Variants in DISC1 observed in about 807,000 individuals in gnomAD.
The protein encoded by DISC1 is DISC1 scaffold protein.
In DISC1, 57 loss-of-function variants were observed where a neutral mutation model predicts 84.5. The observed-to-expected ratio is 0.67, with a 90% CI of 0.55 to 0.84. DISC1 has a LOEUF of 0.84. DISC1 is among the 40% of genes least tolerant of loss of function. The probability of loss-of-function intolerance (pLI) is 0.00; values close to 1 mark genes in which losing one functional copy is unlikely to be tolerated. For missense variants in DISC1, 1,000 were observed against 1,057.8 expected, an observed-to-expected ratio of 0.95 and a Z score of 0.76; for synonymous variants, 411 against 415.2, an observed-to-expected ratio of 0.99 and a Z score of 0.12.
chr1:231,711,710 T>C (rs79712641), intron 3 of DISC1, among the ~76,000 whole-genome samples: 252 of 152,282 alleles, frequency 1.7e-3, no homozygotes, highest in African/African-American at 5.8e-3. Flanking sequence ...ATTAACCTAG[T>C]ACCAGCTGAA....
chr1:231,984,882 G>T (rs1350589763), intron 10 of DISC1, among the ~76,000 whole-genome samples: 3 of 152,080 alleles, frequency 2.0e-5, no homozygotes, highest in Admixed American at 2.0e-4. Context: ...ACTGAACGGG[G>T]TTTGAGGAAA....
chr1:231,912,634 C>A (rs547457319), intron 9 of DISC1, among the ~76,000 whole-genome samples: 1 of 152,126 alleles, frequency 6.6e-6, no homozygotes, highest in Non-Finnish European at 1.5e-5. Flanking sequence ...AGTCAGGGAC[C>A]CACTTGAGGA....
intron 3 of DISC1, among the ~76,000 whole-genome samples, chr1:231,741,573 C>G (rs187279185): frequency 1.3e-5 from 2 of 152,240 alleles, no homozygotes; most frequent in Admixed American, 1.3e-4. Flanking sequence ...AGGCCTTGAA[C>G]ATGTGGAGGT....
intron 1 of DISC1, chr1:231,685,201 T>C (rs1212537674): frequency 6.6e-6 from 1 of 152,246 alleles, no homozygotes; most frequent in Non-Finnish European, 1.5e-5. Flanking sequence ...TCTTGCGCTA[T>C]CTTCATATCG....
At chr1:231,722,420 C>A (rs370327838) in intron 3 of DISC1, 7 of 1,498,464 alleles carry the variant, frequency 4.7e-6, no homozygotes, top group East Asian at 4.8e-5. Context: ...TTCTACTTAT[C>A]CACACTCGAA....
Position 231,880,895 on chromosome 1 carries a change from C to T in DISC1, c.1981+62378C>T, listed in dbSNP as rs372569154. Among the ~76,000 whole-genome samples the T allele has an allele frequency of 2.0e-5, 3 of 152,174 alleles. No homozygotes were observed. The South Asian group carries it at 6.2e-4, about 32-fold the overall frequency. On this transcript the variant is annotated intron_variant, in intron 9 of 12. Transcript: ENST00000439617. The stretch of plus-strand genomic sequence containing the variant: ...GGAATATCTCATAGGAAAAACTTAA[C>T]GTTTCATGATGTTCAAGGTGTTATC...
At position 231,818,325 on chromosome 1, in the gene DISC1, G is replaced by A. The variant is rs564881596; in HGVS notation, c.1793-4G>A. 6 of 1,613,754 alleles carry A rather than the reference G, an allele frequency of 3.7e-6. No individual in the cohort carries two copies. Among genetic ancestry groups the A allele is most frequent in the Middle Eastern group, 1.7e-4 (1 of 5,956 alleles). Reference sequence around the variant, plus strand: ...CCCTTCTTCTCTCCCACAACGTGCTGTAGGAAACCATTTCTGGACGGCTAA... The same window carrying A: ...CCCTTCTTCTCTCCCACAACGTGCTATAGGAAACCATTTCTGGACGGCTAA... On this transcript the variant is annotated splice_polypyrimidine_tract_variant and splice_region_variant and intron_variant, in intron 8 of 12. Coordinates refer to ENST00000439617, the MANE Select transcript of DISC1 (RefSeq NM_018662.3).
rs766374745 is a variant in DISC1 at position 231,694,367 on chromosome 1, C to T, written c.609C>T (p.His203=). 1 of 1,614,264 alleles carries T rather than the reference C, an allele frequency of 6.2e-7. No homozygotes were observed. The highest frequency in any genetic ancestry group is 1.1e-5 in the South Asian group (1 of 91,086). Residue 203 remains histidine (H), a synonymous_variant, in exon 2 of 13, where the codon CAC becomes CAT. Transcript: ENST00000439617. The part of the protein sequence containing the change: ...PEVPPTPPGS[H]SAFTSSFSFI... ...TCCCCCCAACCCCTCCTGGCTCTCACAGTGCCTTTACCTCAAGCTTTAGCT... is the reference window on the plus strand; with the variant it reads ...TCCCCCCAACCCCTCCTGGCTCTCATAGTGCCTTTACCTCAAGCTTTAGCT...
chr1:231,726,961 TAA>T (rs971435061), intron 3 of DISC1, among the ~76,000 whole-genome samples: 20 of 152,322 alleles, frequency 1.3e-4, no homozygotes, highest in African/African-American at 4.6e-4. Flanking sequence ...GATTATTCAT[TAA>T]GAGAGGGCTC....
intron 9 of DISC1, 26 bp downstream of exon 9, chr1:231,818,543 G>A: frequency 6.2e-7 from 1 of 1,613,518 alleles, no homozygotes; most frequent in Non-Finnish European, 8.5e-7. Flanking sequence ...CTGTTCCCCG[G>A]CAAGATATTG....
At chr1:231,779,492 A>T (rs931078595) in intron 6 of DISC1, among the ~76,000 whole-genome samples, 41 of 151,676 alleles carry the variant, frequency 2.7e-4, no homozygotes, top group African/African-American at 9.0e-4. Context: ...ACCTTCATGA[A>T]TATTCATAGC....
intron 1 of DISC1, among the ~76,000 whole-genome samples, chr1:231,678,415 T>C (rs2063363181): frequency 6.6e-6 from 1 of 152,128 alleles, no homozygotes; most frequent in Non-Finnish European, 1.5e-5. Context: ...TCAGCGGCCA[T>C]AAGATCATCT....
chr1:231,702,630 C>T, intron 3 of DISC1: 1 of 980,916 alleles, frequency 1.0e-6, no homozygotes, highest in Non-Finnish European at 1.2e-6. Context: ...GATCTGAGGC[C>T]AGGAAAACAA....
At chr1:231,664,080 G>C (rs144156818) in intron 1 of DISC1, among the ~76,000 whole-genome samples, 2 of 113,842 alleles carry the variant, frequency 1.8e-5, no homozygotes, top group African/African-American at 7.0e-5. Flanking sequence ...CCATCCATCC[G>C]TCTATCTATG....
intron 2 of DISC1, 118 bp from the exon 3 acceptor site, chr1:231,701,837 A>T (rs530696833): frequency 1.0e-4 from 82 of 810,862 alleles, no homozygotes; most frequent in African/African-American, 7.1e-4. Context: ...TTTTTTTTTT[A>T]AAAAGAGAAT....
At chr1:231,879,466 T>G (rs142617380) in intron 9 of DISC1, among the ~76,000 whole-genome samples, 1 of 151,996 alleles carries the variant, frequency 6.6e-6, no homozygotes, top group African/African-American at 2.4e-5. Flanking sequence ...TAGCCAGTGA[T>G]GTGATCAGAT....
At chr1:231,953,705 C>T (rs1044565740) in intron 9 of DISC1, among the ~76,000 whole-genome samples, 9 of 152,150 alleles carry the variant, frequency 5.9e-5, no homozygotes, top group African/African-American at 2.2e-4. Context: ...GGCCAGGTCT[C>T]ACTTGGTACT....
At chr1:231,644,840 C>G (rs768227774) in intron 1 of DISC1, among the ~76,000 whole-genome samples, 8 of 151,842 alleles carry the variant, frequency 5.3e-5, no homozygotes, top group Non-Finnish European at 1.2e-4. Context: ...TTGAAGTGGT[C>G]TTAGTTTCCC....
At chr1:231,912,909 C>T (rs1424380338) in intron 9 of DISC1, among the ~76,000 whole-genome samples, 8 of 147,258 alleles carry the variant, frequency 5.4e-5, no homozygotes, top group African/African-American at 2.0e-4. Context: ...GTCTTTCTTC[C>T]TTTCTTTCTG....
Sources: allele counts gnomAD v4.1 joint callset (sites outside exome capture counted in the v4.1 genomes callset), GRCh38; gene constraint gnomAD v4.1.1; transcripts MANE v1.5; gene names NCBI Gene and HGNC (gene_info 2026-07-23, HGNC 2026-07-21).